The following MIIP variants were observed in gnomAD, a reference collection of about 807,000 sequenced individuals.
MIIP encodes the protein migration and invasion inhibitory protein.
MIIP carries 44 observed loss-of-function variants against 44.8 expected under a neutral mutation model. That is an observed-to-expected ratio of 0.98 (90% CI 0.77 to 1.26). The LOEUF is 1.26. MIIP is among the 50% of genes most tolerant of loss of function. The pLI is 0.00. For missense variants in MIIP, 496 were observed against 511.7 expected (o/e 0.97, Z 0.30); for synonymous variants, 225 against 218.3 (o/e 1.03, Z -0.27).
At chr1:12,023,848 G>A (rs1291105447) in intron 4 of MIIP, among the ~76,000 whole-genome samples, 1 of 152,016 alleles carries the variant, frequency 6.6e-6, no homozygotes, top group Non-Finnish European at 1.5e-5. Flanking sequence ...ACAATAATTA[G>A]CCGGGTGTGG....
At chr1:12,021,862 C>T in intron 2 of MIIP, 22 bp downstream of exon 2, 2 of 1,570,082 alleles carry the variant, frequency 1.3e-6, no homozygotes, top group Non-Finnish European at 1.7e-6. Flanking sequence ...CCTTGGGAAC[C>T]CCAGAGGAAG....
chr1:12,023,615 G>A (rs937199728), intron 4 of MIIP, among the ~76,000 whole-genome samples: 6 of 148,880 alleles, frequency 4.0e-5, no homozygotes, highest in African/African-American at 7.4e-5. Context: ...GGATTTCACC[G>A]TGTTAGCTCG....
At chr1:12,027,551 G>A (rs922751501) in intron 4 of MIIP, among the ~76,000 whole-genome samples, 1 of 152,158 alleles carries the variant, frequency 6.6e-6, no homozygotes, top group Non-Finnish European at 1.5e-5. Context: ...TCTGGGGAAG[G>A]AAAGGTCCTT....
At chr1:12,026,971 T>G (rs1356364539) in intron 4 of MIIP, among the ~76,000 whole-genome samples, 2 of 152,118 alleles carry the variant, frequency 1.3e-5, no homozygotes, top group Non-Finnish European at 2.9e-5. Context: ...CCTCGTTGCC[T>G]TCAATTTCTC....
At chr1:12,023,454 A>C (rs1226816918) in intron 4 of MIIP, among the ~76,000 whole-genome samples, 1 of 149,868 alleles carries the variant, frequency 6.7e-6, no homozygotes, top group Non-Finnish European at 1.5e-5. Context: ...CCCAGGCTGG[A>C]GTGAAGTGGC....
At chr1:12,023,724 G>A (rs904193787) in intron 4 of MIIP, among the ~76,000 whole-genome samples, 8 of 149,730 alleles carry the variant, frequency 5.3e-5, no homozygotes, top group South Asian at 4.4e-4. Context: ...GGCCGGGCAC[G>A]GTGACTCACA....
At chr1:12,030,173 G>A (rs761215898) in intron 8 of MIIP, 49 bp downstream of exon 8, 9 of 1,562,674 alleles carry the variant, frequency 5.8e-6, no homozygotes, top group Non-Finnish European at 6.2e-6. Context: ...GGCTGGCTCA[G>A]ACTGGCCCAG....
intron 4 of MIIP, among the ~76,000 whole-genome samples, chr1:12,025,199 A>G (rs1461884166): frequency 6.6e-6 from 1 of 151,642 alleles, no homozygotes; most frequent in African/African-American, 2.4e-5. Context: ...AGCAGGTATT[A>G]CAGGTGTGCG....
In MIIP at chr1:12,030,054, A is replaced by G; in HGVS notation, c.872A>G (p.Glu291Gly). Residue 291 changes from glutamate to glycine, a missense_variant, in exon 8 of 10, where the codon GAG becomes GGG. Physicochemically the swap from Glu to Gly is moderately conservative, Grantham distance 98. Coordinates refer to ENST00000235332, the MANE Select transcript of MIIP (RefSeq NM_021933.4). Reference protein sequence around the residue: ...VRVSIPLSILEPPHRYHIHRR... With the variant: ...VRVSIPLSILGPPHRYHIHRR... The stretch of plus-strand genomic sequence containing the variant: ...GTGAGCATCCCGCTGTCGATCCTGG[A>G]GCCCCCGCACCGGTACCACATCCAC... 1 of 1,613,508 alleles carries G rather than the reference A, an allele frequency of 6.2e-7. No homozygotes were observed. The highest frequency in any genetic ancestry group is 1.7e-5 in the Admixed American group (1 of 60,022).
At position 12,029,096 on chromosome 1, in the gene MIIP, A is replaced by G. The variant is rs1290389223; in HGVS notation, c.611A>G (p.Glu204Gly). The G allele has an allele frequency of 6.2e-7, 1 of 1,613,882 alleles. No homozygotes were observed. The highest frequency in any genetic ancestry group is 8.5e-7 in the Non-Finnish European group (1 of 1,179,896). The change falls in exon 5 of 10, where the codon GAG becomes GGG. Residue 204 changes from glutamate to glycine, a missense_variant. Transcript: ENST00000235332. Reference sequence around the variant, plus strand: ...GAGGCCTTCTTCTCCAAGCTGCAGGAGTTTCGGGAAACCAACAAGGAGGAG... The same window carrying G: ...GAGGCCTTCTTCTCCAAGCTGCAGGGGTTTCGGGAAACCAACAAGGAGGAG... Reference protein sequence around the residue: ...QPEAFFSKLQEFRETNKEECI... With the variant: ...QPEAFFSKLQGFRETNKEECI...
chr1:12,029,743 T>C, intron 6 of MIIP, 22 bp from the exon 7 acceptor site: 1 of 1,600,794 alleles, frequency 6.2e-7, no homozygotes, highest in Non-Finnish European at 8.5e-7. Flanking sequence ...GGGAGAGCTG[T>C]GGCTTCTCAT....
chr1:12,028,098 G>A (rs1377355386), intron 4 of MIIP, among the ~76,000 whole-genome samples: 1 of 152,156 alleles, frequency 6.6e-6, no homozygotes, highest in Admixed American at 6.5e-5. Flanking sequence ...TTCCAGCTCT[G>A]TAGGTGGCTG....
chr1:12,029,173 C>T lies in MIIP; in HGVS notation c.656+32C>T, dbSNP rs371367345. 1.5e-4 allele frequency: 241 copies of T among 1,612,218 alleles called. No homozygotes were observed. The Admixed American group carries it at 2.3e-3, about 15-fold the overall frequency. On this transcript the variant is annotated intron_variant, in intron 5 of 9. Transcript: ENST00000235332. Reference sequence around the variant, plus strand: ...AGGGGCGGGCGAGGGTGGGCGAGGGCGGCTGAGCGGCTCCATCCCCCGGCC... The same window carrying T: ...AGGGGCGGGCGAGGGTGGGCGAGGGTGGCTGAGCGGCTCCATCCCCCGGCC...
intron 4 of MIIP, among the ~76,000 whole-genome samples, chr1:12,025,625 C>T (rs558331996): frequency 6.6e-6 from 1 of 152,312 alleles, no homozygotes; most frequent in South Asian, 2.1e-4. Flanking sequence ...ATCCAAAATC[C>T]CTATCTAGAC....
At chr1:12,019,960 C>T (rs973974482) in intron 1 of MIIP, among the ~76,000 whole-genome samples, 1 of 152,168 alleles carries the variant, frequency 6.6e-6, no homozygotes, top group South Asian at 2.1e-4. Flanking sequence ...TCTCCGTGCC[C>T]CCCGGCCCTG....
In MIIP at chr1:12,029,260, G is replaced by T. The variant is rs774247318; in HGVS notation, c.694G>T (p.Gly232Cys). 1.7e-5 allele frequency: 27 copies of T among 1,613,514 alleles called. No individual in the cohort carries two copies. Among genetic ancestry groups the T allele is most frequent in the Non-Finnish European group, 2.3e-5 (27 of 1,179,846 alleles). ...AGGCCTGCGTGAGAGCAGTGGCAGC[G>T]GCGTGGAGGAAGACCATGAATGTGA... ...LPGLRESSGS[G>C]VEEDHECVYC... is the part of the protein sequence containing the mutation. The change falls in exon 6 of 10, where the codon GGC becomes TGC. Residue 232 changes from glycine to cysteine, a missense_variant. Coordinates refer to ENST00000235332, the MANE Select transcript of MIIP (RefSeq NM_021933.4).
At chr1:12,020,135 G>A (rs1639939705) in intron 1 of MIIP, among the ~76,000 whole-genome samples, 1 of 152,212 alleles carries the variant, frequency 6.6e-6, no homozygotes, top group African/African-American at 2.4e-5. Flanking sequence ...GGCTTTCCAA[G>A]AACCCTGAAC....
At chr1:12,026,543 C>T (rs748395294) in intron 4 of MIIP, among the ~76,000 whole-genome samples, 37 of 152,218 alleles carry the variant, frequency 2.4e-4, no homozygotes, top group Non-Finnish European at 3.2e-4. Flanking sequence ...GTGCTCCGCC[C>T]CTCTGCTTCT....
chr1:12,022,298 G>A lies in MIIP; in HGVS notation c.318G>A (p.Leu106=), dbSNP rs150998481. 82 of 1,613,762 alleles carry A rather than the reference G, an allele frequency of 5.1e-5. No homozygotes were observed. Among genetic ancestry groups the A allele is most frequent in the Non-Finnish European group, 6.6e-5 (78 of 1,180,012 alleles). Residue 106 remains leucine, a synonymous_variant, in exon 3 of 10, where the codon CTG becomes CTA. Transcript: ENST00000235332. ...PPAKCQHQES[L]GRPRPHSAPS... ...CCAAATGCCAGCACCAGGAGTCCCT[G>A]GGCCGACCGAGACCCCACTCAGCAC...
Sources: gnomAD v4.1 joint callset for allele counts (sites outside exome capture counted in the v4.1 genomes callset) on GRCh38, gnomAD v4.1.1 for gene constraint, MANE v1.5 for transcripts, NCBI Gene and HGNC (gene_info 2026-07-23, HGNC 2026-07-21) for gene names.